KATNAL1: variants seen among roughly 807,000 people sequenced by gnomAD.
KATNAL1 encodes katanin catalytic subunit A1 like 1, also known as katanin p60 ATPase-containing subunit A-like 1.
A neutral mutation model predicts 55.2 loss-of-function variants in KATNAL1; 32 were observed. That is an observed-to-expected ratio of 0.58 (90% CI 0.44 to 0.78). The LOEUF is 0.78. KATNAL1 is among the 30% of genes least tolerant of loss of function. The pLI is 0.00. For synonymous variants in KATNAL1, 193 were observed against 193.6 expected (o/e 1.00, Z 0.02); for missense variants, 466 against 600.9 (o/e 0.78, Z 2.35).
chr13:30,298,106 G>A lies in KATNAL1; in HGVS notation c.-15+9225C>T, dbSNP rs144797385. Among the ~76,000 whole-genome samples the A allele has an allele frequency of 2.0e-3, 303 of 152,312 alleles. 2 individuals are homozygous for A. Among genetic ancestry groups the A allele is most frequent in the African/African-American group, 6.7e-3 (279 of 41,568 alleles). The stretch of plus-strand genomic sequence containing the variant: ...TGCACACTTAATAAACTATAGTATA[G>A]TGTAAACGTAACTTTTATATGCACT... On this transcript the variant is annotated intron_variant, in intron 1 of 10. Coordinates refer to ENST00000380615, the MANE Select transcript of KATNAL1 (RefSeq NM_032116.5).
intron 1 of KATNAL1, among the ~76,000 whole-genome samples, chr13:30,284,401 ATTTT>A (rs539394060): frequency 6.6e-6 from 1 of 151,618 alleles, no homozygotes; most frequent in African/African-American, 2.4e-5. Flanking sequence ...AACAGATGAA[ATTTT>A]TTTTTATTCA....
intron 3 of KATNAL1, among the ~76,000 whole-genome samples, chr13:30,260,776 C>A (rs1099848): frequency 1.4e-5 from 2 of 145,812 alleles, no homozygotes; most frequent in African/African-American, 5.0e-5. Context: ...GAGAATGGAA[C>A]CAAGTTGGAA....
intron 1 of KATNAL1, among the ~76,000 whole-genome samples, chr13:30,292,173 G>A (rs1012353052): frequency 2.6e-5 from 4 of 152,212 alleles, no homozygotes; most frequent in Non-Finnish European, 4.4e-5. Context: ...CAAAGTGCCA[G>A]AGCAATTCAA....
At chr13:30,292,407 A>T (rs896631273) in intron 1 of KATNAL1, among the ~76,000 whole-genome samples, 1 of 151,554 alleles carries the variant, frequency 6.6e-6, no homozygotes, top group Non-Finnish European at 1.5e-5. Flanking sequence ...CCCAATTCCC[A>T]TGGGGCAATT....
chr13:30,270,368 C>G (rs1231114037), intron 3 of KATNAL1, among the ~76,000 whole-genome samples: 2 of 151,962 alleles, frequency 1.3e-5, no homozygotes, highest in African/African-American at 4.8e-5. Context: ...CCGGCCTCCC[C>G]TACTGGGAAG....
intron 1 of KATNAL1, among the ~76,000 whole-genome samples, chr13:30,292,379 T>TC (rs1204451104): frequency 1.5e-4 from 23 of 151,782 alleles, no homozygotes; most frequent in African/African-American, 4.9e-4. Context: ...TTTTTTTTTT[T>TC]CCATCAGTTC....
chr13:30,297,910 T>G (rs1882619972), intron 1 of KATNAL1, among the ~76,000 whole-genome samples: 1 of 152,174 alleles, frequency 6.6e-6, no homozygotes, highest in African/African-American at 2.4e-5. Context: ...ATCTTTTGGC[T>G]ACTACACTCA....
At chr13:30,288,551 T>C (rs571641694) in intron 1 of KATNAL1, among the ~76,000 whole-genome samples, 2 of 152,334 alleles carry the variant, frequency 1.3e-5, no homozygotes, top group South Asian at 2.1e-4. Flanking sequence ...GTGGTTGCCA[T>C]TGAAATAACT....
intron 1 of KATNAL1, among the ~76,000 whole-genome samples, chr13:30,284,182 A>G (rs1224439889): frequency 1.3e-5 from 2 of 152,314 alleles, no homozygotes; most frequent in East Asian, 3.9e-4. Flanking sequence ...GAAAGTCAAA[A>G]TAGTTACCAT....
chr13:30,239,330 A>AGCT (rs1877013126), intron 6 of KATNAL1, among the ~76,000 whole-genome samples: 1 of 152,130 alleles, frequency 6.6e-6, no homozygotes, highest in Admixed American at 6.5e-5. Flanking sequence ...GAATTGCTTG[A>AGCT]ACCCAGGAGG....
intron 4 of KATNAL1, among the ~76,000 whole-genome samples, chr13:30,246,803 C>T (rs1383481969): frequency 6.6e-6 from 1 of 152,184 alleles, no homozygotes; most frequent in Non-Finnish European, 1.5e-5. Context: ...TTCATCATCA[C>T]TGGTCATTAG....
Position 30,280,130 on chromosome 13 carries a change from C to A in KATNAL1, c.256G>T (p.Val86Leu), listed in dbSNP as rs1566125559. The change falls in exon 3 of 11, where the codon GTG becomes TTG. Residue 86 changes from valine to leucine, a missense_variant. Transcript: ENST00000380615. ...FKIDKPPDFP[V>L]SCQDEPFRDP... ...CTAAATGGTTCATCTTGACAGGACA[C>A]AGGGAAATCTGGAGGCTTGTCAATT... 6.2e-7 allele frequency: 1 copy of A among 1,613,422 alleles called. No individual in the cohort carries two copies. The highest frequency in any genetic ancestry group is 1.7e-5 in the Admixed American group (1 of 59,918).
chr13:30,249,616 A>C (rs1375183818), intron 4 of KATNAL1, among the ~76,000 whole-genome samples: 1 of 152,226 alleles, frequency 6.6e-6, no homozygotes, highest in African/African-American at 2.4e-5. Flanking sequence ...CCTTGAACAA[A>C]AAAAGCTGGA....
At chr13:30,272,548 G>A (rs533583966) in intron 3 of KATNAL1, among the ~76,000 whole-genome samples, 3 of 152,132 alleles carry the variant, frequency 2.0e-5, no homozygotes, top group East Asian at 1.9e-4. Flanking sequence ...TAAAAGTAAC[G>A]TGTTATGGCT....
At chr13:30,250,173 G>A (rs1013499218) in intron 4 of KATNAL1, among the ~76,000 whole-genome samples, 6 of 152,138 alleles carry the variant, frequency 3.9e-5, no homozygotes, top group African/African-American at 1.4e-4. Context: ...ATTAGCAAAT[G>A]CTATAAATCA....
chr13:30,307,413 G>A lies in KATNAL1; in HGVS notation c.-97C>T, dbSNP rs1221896014. On this transcript the variant is annotated 5_prime_UTR_variant, in exon 1 of 11. Transcript: ENST00000380615. ...GGCGCAGGCCGCCGCCGCCGCCGCC[G>A]CCGAGTCCGTTAGCTCGCGACGTGC... The A allele has an allele frequency of 4.5e-5, 7 of 155,768 alleles. No homozygotes were observed. In the South Asian group the frequency reaches 1.3e-3, roughly 28 times the overall value. 9.6% of individuals were successfully genotyped at this position (155,768 alleles called of 1,614,324 possible). A position where few individuals can be genotyped will look rare whatever the true frequency, so the allele number is the denominator to read the frequency against.
chr13:30,268,067 T>C (rs770173860), intron 3 of KATNAL1, among the ~76,000 whole-genome samples: 7 of 152,182 alleles, frequency 4.6e-5, no homozygotes, highest in Non-Finnish European at 8.8e-5. Context: ...AAGTGCCCCC[T>C]AGATATAGTA....
At chr13:30,222,151 T>C (rs1325511572) in intron 9 of KATNAL1, among the ~76,000 whole-genome samples, 3 of 152,218 alleles carry the variant, frequency 2.0e-5, no homozygotes, top group South Asian at 2.1e-4. Flanking sequence ...GTAAAGCAGA[T>C]TGCCCTTCCT....
At chr13:30,213,467 C>T (rs976812830) in intron 9 of KATNAL1, among the ~76,000 whole-genome samples, 1 of 150,850 alleles carries the variant, frequency 6.6e-6, no homozygotes, top group African/African-American at 2.5e-5. Flanking sequence ...AGAGACACAC[C>T]CAAAAAAGAG....
Sources: allele counts gnomAD v4.1 joint callset (sites outside exome capture counted in the v4.1 genomes callset), GRCh38; gene constraint gnomAD v4.1.1; transcripts MANE v1.5; gene names NCBI Gene and HGNC (gene_info 2026-07-23, HGNC 2026-07-21).